The following SLC6A5 variants were observed in gnomAD, a reference collection of about 807,000 sequenced individuals.
SLC6A5 encodes the protein sodium- and chloride-dependent glycine transporter 2.
In SLC6A5, 58 loss-of-function variants were observed where a neutral mutation model predicts 90.5. The ratio of observed to expected loss-of-function variants is 0.64; its 90% CI spans 0.52 to 0.80. The LOEUF is 0.80. Among genes scored for constraint, SLC6A5 ranks in the 30% least tolerant of loss-of-function variants. The pLI is 0.00. For missense variants in SLC6A5, 1,015 were observed against 1,017.6 expected, an observed-to-expected ratio of 1.00 and a Z score of 0.03; for synonymous variants, 427 against 401.4, an observed-to-expected ratio of 1.06 and a Z score of -0.76.
chr11:20,619,948 C>A lies in SLC6A5; in HGVS notation c.1260+2064C>A, dbSNP rs549368549. Among the ~76,000 whole-genome samples, 13 of 152,238 alleles carry A rather than the reference C, an allele frequency of 8.5e-5. No homozygotes were observed. In the East Asian group the frequency reaches 2.5e-3, roughly 29 times the overall value. On this transcript the variant is annotated intron_variant, in intron 7 of 15. Coordinates refer to ENST00000525748, the MANE Select transcript of SLC6A5 (RefSeq NM_004211.5). ...GGGAGATGGGAAATGTTAACTTGAC[C>A]CTTATGACAATACCGAGCATGGCCT...
intron 5 of SLC6A5, among the ~76,000 whole-genome samples, chr11:20,609,570 T>C (rs1013003693): frequency 6.6e-6 from 1 of 152,160 alleles, no homozygotes; most frequent in African/African-American, 2.4e-5. Flanking sequence ...CAAGCCTTCC[T>C]TAAGAGATGG....
rs374867502 is a variant in SLC6A5, at chr11:20,601,491, C to A, written c.366C>A (p.Ile122=). ...CCGGCAACGCGCTGCACTGTAAGATCCCTTTTCTGCGAGGCCCGGAGGGGG... is the reference window on the plus strand; with the variant it reads ...CCGGCAACGCGCTGCACTGTAAGATACCTTTTCTGCGAGGCCCGGAGGGGG... The part of the protein sequence containing the change: ...SGPGNALHCK[I]PFLRGPEGDA... Residue 122 remains isoleucine (I), a synonymous_variant, in exon 2 of 16, where the codon ATC becomes ATA. Coordinates refer to ENST00000525748, the MANE Select transcript of SLC6A5 (RefSeq NM_004211.5). 1.9e-6 allele frequency: 3 copies of A among 1,613,604 alleles called. No homozygotes were observed. The highest frequency in any genetic ancestry group is 1.7e-6 in the Non-Finnish European group (2 of 1,179,804).
At position 20,617,778 on chromosome 11, in the gene SLC6A5, G is replaced by A; in HGVS notation, c.1154G>A (p.Gly385Glu). The A allele has an allele frequency of 6.2e-7, 1 of 1,614,098 alleles. No individual in the cohort carries two copies. Among genetic ancestry groups the A allele is most frequent in the Non-Finnish European group, 8.5e-7 (1 of 1,180,020 alleles). The part of the protein sequence containing the change: ...FKYFVLKISA[G>E]IEYPGEIRWP... ...TACTTTGTGCTGAAGATTTCTGCAG[G>A]GATTGAATATCCTGGCGAGATCAGG... Residue 385 changes from glycine (G) to glutamate (E), a missense_variant, in exon 7 of 16, where the codon GGG becomes GAG. By Grantham distance (98) the Gly-to-Glu change is moderately conservative (BLOSUM62 -2). Coordinates refer to ENST00000525748, the MANE Select transcript of SLC6A5 (RefSeq NM_004211.5).
intron 7 of SLC6A5, among the ~76,000 whole-genome samples, chr11:20,625,048 C>T (rs1284673572): frequency 6.6e-6 from 1 of 152,144 alleles, no homozygotes. Flanking sequence ...GATTTGGTGA[C>T]ACAGTTCGTA....
chr11:20,604,306 G>C lies in SLC6A5; in HGVS notation c.561G>C (p.Glu187Asp), dbSNP rs1852534192. Reference protein sequence around the residue: ...VATQEDEQGDENKARGNWSSK... With the variant: ...VATQEDEQGDDNKARGNWSSK... ...CCCAGGAGGACGAGCAAGGGGATGA[G>C]AATAAGGCCCGAGGGAACTGGTCCA... Residue 187 changes from glutamate (E) to aspartate (D), a missense_variant, in exon 3 of 16, where the codon GAG (glutamate) becomes GAC (aspartate). Physicochemically the swap from Glu to Asp is conservative, Grantham distance 45. Transcript: ENST00000525748. 1 of 1,613,342 alleles carries C rather than the reference G, an allele frequency of 6.2e-7. No homozygotes were observed. Among genetic ancestry groups the C allele is most frequent in the African/African-American group, 1.3e-5 (1 of 74,916 alleles).
intron 3 of SLC6A5, among the ~76,000 whole-genome samples, chr11:20,605,980 A>G (rs980808943): frequency 3.9e-5 from 6 of 152,210 alleles, no homozygotes; most frequent in Non-Finnish European, 8.8e-5. Flanking sequence ...GGAAGTGCGG[A>G]GGGGCGGGAG....
chr11:20,617,611 G>T (rs141267592), intron 6 of SLC6A5, 141 bp from the exon 7 acceptor site: 2 of 744,562 alleles, frequency 2.7e-6, no homozygotes, highest in Non-Finnish European at 4.8e-6. Context: ...ATGTGATTAG[G>T]TTCCTGATGG....
intron 7 of SLC6A5, among the ~76,000 whole-genome samples, chr11:20,625,582 T>C (rs1194429211): frequency 1.3e-5 from 2 of 152,184 alleles, no homozygotes; most frequent in African/African-American, 4.8e-5. Flanking sequence ...TTCTTGACGC[T>C]GGTCCCTCCC....
At chr11:20,613,784 C>T (rs1380355835) in intron 5 of SLC6A5, among the ~76,000 whole-genome samples, 3 of 149,954 alleles carry the variant, frequency 2.0e-5, no homozygotes, top group Admixed American at 6.8e-5. Context: ...CTCAGCCTCC[C>T]AAGTATTTAG....
chr11:20,644,191 C>T (rs1303137688), intron 13 of SLC6A5, among the ~76,000 whole-genome samples: 1 of 152,128 alleles, frequency 6.6e-6, no homozygotes, highest in Non-Finnish European at 1.5e-5. Context: ...TCATTTATTC[C>T]TCCTGTCTAA....
At chr11:20,633,561 T>A (rs920730688) in intron 10 of SLC6A5, among the ~76,000 whole-genome samples, 4 of 152,170 alleles carry the variant, frequency 2.6e-5, no homozygotes, top group Non-Finnish European at 5.9e-5. Context: ...TGCTGTGTCT[T>A]TAGTGGCACT....
At chr11:20,647,466 T>C (rs1244194510) in intron 14 of SLC6A5, among the ~76,000 whole-genome samples, 2 of 139,938 alleles carry the variant, frequency 1.4e-5, no homozygotes, top group Non-Finnish European at 3.1e-5. Context: ...TATATATTTA[T>C]ATATATATCA....
At chr11:20,612,026 G>A (rs930367991) in intron 5 of SLC6A5, among the ~76,000 whole-genome samples, 3 of 152,146 alleles carry the variant, frequency 2.0e-5, no homozygotes, top group Admixed American at 6.5e-5. Flanking sequence ...GACCTATTGC[G>A]GTTACTTTAT....
intron 5 of SLC6A5, among the ~76,000 whole-genome samples, chr11:20,611,271 A>C (rs561743082): frequency 2.0e-5 from 3 of 152,166 alleles, no homozygotes; most frequent in African/African-American, 4.8e-5. Flanking sequence ...CCTGGGCAAC[A>C]CGGCAAAACC....
rs776857479 is a variant in SLC6A5, at chr11:20,654,797, G to A, written c.2323G>A (p.Asp775Asn). 1.2e-5 allele frequency: 19 copies of A among 1,613,972 alleles called. No individual in the cohort carries two copies. The highest frequency in any genetic ancestry group is 1.0e-4 in the Admixed American group (6 of 59,988). ...HRGERYKNMI[D>N]PLGTSSLGLK... ...CGGGGAGCGTTACAAGAACATGATC[G>A]ACCCCTTGGGAACCTCTTCCTTGGG... Residue 775 changes from aspartate to asparagine, a missense_variant, in exon 16 of 16, where the codon GAC becomes AAC. Asp to Asn is a conservative substitution (Grantham distance 23). This residue lies in a region of SLC6A5 where 442 missense variants were observed against 494.3 expected (regional missense o/e 0.89). Coordinates refer to ENST00000525748, the MANE Select transcript of SLC6A5 (RefSeq NM_004211.5).
chr11:20,646,897 A>G lies in SLC6A5; in HGVS notation c.2033A>G (p.Lys678Arg), dbSNP rs977406550. Residue 678 changes from lysine to arginine, a missense_variant, in exon 14 of 16, where the codon AAA becomes AGA. Lys to Arg is a conservative substitution (Grantham distance 26, BLOSUM62 2). Around this residue, in one of 3 missense-constraint regions of SLC6A5, gnomAD observed 442 missense variants for 494.3 expected, o/e 0.89. Coordinates refer to ENST00000525748, the MANE Select transcript of SLC6A5 (RefSeq NM_004211.5). The stretch of plus-strand genomic sequence containing the variant: ...GGATTCCAGCCTAACATCTTCTGGA[A>G]AGTCTGCTGGGCATTTGTAACCCCA... ...MIGFQPNIFW[K>R]VCWAFVTPTI... The G allele has an allele frequency of 1.2e-6, 2 of 1,613,726 alleles. No individual in the cohort carries two copies. The highest frequency in any genetic ancestry group is 1.3e-5 in the African/African-American group (1 of 74,856).
At chr11:20,621,322 A>G (rs1852884589) in intron 7 of SLC6A5, among the ~76,000 whole-genome samples, 1 of 152,200 alleles carries the variant, frequency 6.6e-6, no homozygotes, top group Non-Finnish European at 1.5e-5. Context: ...TTCATTTGCA[A>G]AATCAAGAGT....
Position 20,638,533 on chromosome 11 carries a change from G to A in SLC6A5, c.1944G>A (p.Glu648=). The A allele has an allele frequency of 6.2e-7, 1 of 1,610,996 alleles. No homozygotes were observed. The change falls in exon 13 of 16, where the codon GAG becomes GAA. Residue 648 remains glutamate (E), a synonymous_variant. Transcript: ENST00000525748. ...CCCTTGTCATCATTGCCATTTTTGA[G>A]CTCGTGGGGATCTCTTATGTGTATG... ...SYALVIIAIF[E]LVGISYVYGL...
At position 20,659,054 on chromosome 11, in the gene SLC6A5, C is replaced by CATATATATAT. The variant is rs3045455; in HGVS notation, c.*4205_*4214dup. On this transcript the variant is annotated 3_prime_UTR_variant, in exon 16 of 16. Coordinates refer to ENST00000525748, the MANE Select transcript of SLC6A5 (RefSeq NM_004211.5). ...ATATATTATGTTACAAATGATGCATCATATATATATATATATATATATATA... is the reference window on the plus strand; with the variant it reads ...ATATATTATGTTACAAATGATGCATCATATATATATATATATATATATATATATATATATA... The CATATATATAT allele has an allele frequency of 4.1e-4, 59 of 143,664 alleles. No homozygotes were observed. Among genetic ancestry groups the CATATATATAT allele is most frequent in the African/African-American group, 7.1e-4 (28 of 39,512 alleles). The allele number at this position is 143,664 out of a possible 1,614,324, so 8.9% of individuals were successfully genotyped here. A position where few individuals can be genotyped will look rare whatever the true frequency, so the allele number is the denominator to read the frequency against.
Sources: allele counts gnomAD v4.1 joint callset (sites outside exome capture counted in the v4.1 genomes callset), GRCh38; gene constraint gnomAD v4.1.1; regional missense constraint gnomAD v4.1.1; transcripts MANE v1.5; gene names NCBI Gene and HGNC (gene_info 2026-07-23, HGNC 2026-07-21).